ANKRD54: variants seen among roughly 807,000 people sequenced by gnomAD.
ANKRD54 encodes ankyrin repeat domain 54.
In ANKRD54, 26 loss-of-function variants were observed where a neutral mutation model predicts 36.2. The ratio of observed to expected loss-of-function variants is 0.72; its 90% CI spans 0.53 to 1.00. ANKRD54 has a LOEUF of 1.00. Ranked by LOEUF, ANKRD54 falls within the 50% of genes least tolerant of loss-of-function variation. The pLI is 0.00. For missense variants in ANKRD54, 384 were observed against 424.3 expected, an observed-to-expected ratio of 0.91 and a Z score of 0.83; for synonymous variants, 209 against 188.4, an observed-to-expected ratio of 1.11 and a Z score of -0.89.
At position 37,831,618 on chromosome 22, in the gene ANKRD54, T is replaced by G; in HGVS notation, c.*325A>C. On this transcript the variant is annotated 3_prime_UTR_variant, in exon 8 of 8. Transcript: ENST00000215941. ...AGGGTCTGAGGCCTGGAGCGCGCCATGAAGGCCATGGGGCAAGTGAGGTCT... is the reference window on the plus strand; with the variant it reads ...AGGGTCTGAGGCCTGGAGCGCGCCAGGAAGGCCATGGGGCAAGTGAGGTCT... 3 of 332,352 alleles carry G rather than the reference T, an allele frequency of 9.0e-6. No individual in the cohort carries two copies. Among genetic ancestry groups the G allele is most frequent in the Non-Finnish European group, 1.1e-5 (2 of 175,688 alleles). 20.6% of individuals were successfully genotyped at this position (332,352 alleles called of 1,614,324 possible).
At chr22:37,835,028 C>G (rs1923352988) in intron 3 of ANKRD54, among the ~76,000 whole-genome samples, 1 of 151,166 alleles carries the variant, frequency 6.6e-6, no homozygotes, top group Admixed American at 6.6e-5. Flanking sequence ...CACTGAACTC[C>G]AGCCTGGGTG....
At chr22:37,849,097 C>T, upstream of ANKRD54, 1 of 426,766 alleles carries the variant, frequency 2.3e-6, no homozygotes, top group South Asian at 5.0e-5. Context: ...AGCGACTCTC[C>T]TGCCTCAGCC....
chr22:37,839,324 C>A (rs1014336109), intron 2 of ANKRD54, among the ~76,000 whole-genome samples: 1 of 152,112 alleles, frequency 6.6e-6, no homozygotes, highest in African/African-American at 2.4e-5. Context: ...AGTTCCTTTG[C>A]GGACATGGAT....
chr22:37,831,568 C>A lies in ANKRD54; in HGVS notation c.*375G>T. The A allele has an allele frequency of 4.5e-6, 1 of 221,062 alleles. No individual in the cohort carries two copies. Among genetic ancestry groups the A allele is most frequent in the Non-Finnish European group, 9.2e-6 (1 of 109,074 alleles). The allele number at this position is 221,062 out of a possible 1,614,324, so 13.7% of individuals were successfully genotyped here. A position where few individuals can be genotyped will look rare whatever the true frequency, so the allele number is the denominator to read the frequency against. On this transcript the variant is annotated 3_prime_UTR_variant, in exon 8 of 8. Coordinates refer to ENST00000215941, the MANE Select transcript of ANKRD54 (RefSeq NM_138797.4). The stretch of plus-strand genomic sequence containing the variant: ...CCCACACCTGCTGACTGCAACAAGC[C>A]CATGGCCAGGACGGAACACAGAGAA...
rs756051275 is a variant in ANKRD54, at chr22:37,833,284, CTG to C, written c.548-80_548-79del. 2,681 of 1,561,316 alleles carry C rather than the reference CTG, an allele frequency of 1.7e-3. 3 individuals are homozygous for C. Among genetic ancestry groups the C allele is most frequent in the Non-Finnish European group, 2.1e-3 (2,432 of 1,144,104 alleles). Reference sequence around the variant, plus strand: ...TGCGTGGCCACTGGAGGGAGCAGGGCTGTGTCTCCCAGACGCCTGTGCCAAGT... The same window carrying C: ...TGCGTGGCCACTGGAGGGAGCAGGGCTGTCTCCCAGACGCCTGTGCCAAGT... On this transcript the variant is annotated intron_variant, in intron 4 of 7. Coordinates refer to ENST00000215941, the MANE Select transcript of ANKRD54 (RefSeq NM_138797.4).
upstream of ANKRD54, chr22:37,849,302 C>G (rs1198478977): frequency 3.1e-6 from 3 of 969,050 alleles, no homozygotes; most frequent in Non-Finnish European, 5.0e-6. Flanking sequence ...CCTCTTCCTT[C>G]TGGATATGGC....
rs1304697140 is a variant in ANKRD54 at position 37,841,873 on chromosome 22, AAATAAATAAATAAATAAAT to A, written c.329-1658_329-1640del. Reference sequence around the variant, plus strand: ...AAAATAAATAAATAAATAAATAAATAAATAAATAAATAAATAAATAAATAAAATAAAAACACAAAAATTA... The same window carrying A: ...AAAATAAATAAATAAATAAATAAATAAAATAAAATAAAAACACAAAAATTA... On this transcript the variant is annotated intron_variant, in intron 1 of 7. Transcript: ENST00000215941. Among the ~76,000 whole-genome samples the A allele has an allele frequency of 2.7e-4, 16 of 59,752 alleles. No individual in the cohort carries two copies. The East Asian group carries it at 7.7e-3, about 29-fold the overall frequency. 39.2% of individuals were successfully genotyped at this position (59,752 alleles called of 152,430 possible).
chr22:37,843,930 G>A lies in ANKRD54; in HGVS notation c.309C>T (p.Pro103=), dbSNP rs755406916. The part of the protein sequence containing the change: ...RAARPHRRLG[P]TGKEVHALKR... ...GCTCACCGTGCACCTCCTTGCCCGT[G>A]GGCCCGAGCCGCCGGTGGGGCCTGG... Residue 103 remains proline, a synonymous_variant, in exon 1 of 8, where the codon CCC becomes CCT. Transcript: ENST00000215941. 3.7e-6 allele frequency: 5 copies of A among 1,355,168 alleles called. No individual in the cohort carries two copies. The highest frequency in any genetic ancestry group is 1.5e-5 in the African/African-American group (1 of 65,254). 83.9% of individuals were successfully genotyped at this position (1,355,168 alleles called of 1,614,324 possible).
chr22:37,831,848 G>A lies in ANKRD54; in HGVS notation c.*95C>T, dbSNP rs1266555992. ...AGGGCAAGGTCCTCACCAGACAAGT[G>A]CAGCTCCAAGTCCCAGATGTTGGGC... On this transcript the variant is annotated 3_prime_UTR_variant, in exon 8 of 8. Coordinates refer to ENST00000215941, the MANE Select transcript of ANKRD54 (RefSeq NM_138797.4). 4.5e-6 allele frequency: 6 copies of A among 1,333,100 alleles called. No individual in the cohort carries two copies. Among genetic ancestry groups the A allele is most frequent in the South Asian group, 1.3e-5 (1 of 77,204 alleles). The allele number at this position is 1,333,100 out of a possible 1,614,324, so 82.6% of individuals were successfully genotyped here.
In ANKRD54 at chr22:37,831,655, G is replaced by C. The variant is rs1322915048; in HGVS notation, c.*288C>G. ...GGCAAGTGAGGTCTGCTGAGATAGC[G>C]CAGGTCTGCGGAGCTGAAGTGCAGC... is the stretch of plus-strand genomic sequence containing the variant. On this transcript the variant is annotated 3_prime_UTR_variant, in exon 8 of 8. Coordinates refer to ENST00000215941, the MANE Select transcript of ANKRD54 (RefSeq NM_138797.4). 2 of 469,116 alleles carry C rather than the reference G, an allele frequency of 4.3e-6. No individual in the cohort carries two copies. The highest frequency in any genetic ancestry group is 1.9e-5 in the African/African-American group (1 of 51,480). 29.1% of individuals were successfully genotyped at this position (469,116 alleles called of 1,614,324 possible).
At chr22:37,847,053 C>A (rs1243713993), upstream of ANKRD54, among the ~76,000 whole-genome samples, 1 of 151,260 alleles carries the variant, frequency 6.6e-6, no homozygotes, top group Non-Finnish European at 1.5e-5. Context: ...CGGGGTTTCA[C>A]CATTTTAGCC....
intron 3 of ANKRD54, among the ~76,000 whole-genome samples, chr22:37,836,390 T>C (rs1923536885): frequency 3.0e-5 from 4 of 132,622 alleles, no homozygotes. Context: ...AGGTTGTGGT[T>C]AGCCGAGATC....
upstream of ANKRD54, among the ~76,000 whole-genome samples, chr22:37,845,360 A>G (rs935650856): frequency 2.0e-5 from 3 of 152,178 alleles, no homozygotes; most frequent in Admixed American, 2.0e-4. Flanking sequence ...TTCCTCAAGC[A>G]ACATTTCATG....
At chr22:37,844,718 C>T (rs1273629556), upstream of ANKRD54, among the ~76,000 whole-genome samples, 2 of 152,048 alleles carry the variant, frequency 1.3e-5, no homozygotes, top group Non-Finnish European at 2.9e-5. Flanking sequence ...TACAGGCGCG[C>T]GCCACCACGC....
chr22:37,833,342 C>A, intron 4 of ANKRD54, 136 bp from the exon 5 acceptor site: 1 of 1,097,440 alleles, frequency 9.1e-7, no homozygotes, highest in Non-Finnish European at 1.3e-6. Context: ...CGCCAAGGCA[C>A]AGCTAGGTAG....
In ANKRD54 at chr22:37,832,717, C is replaced by G. The variant is rs576551780; in HGVS notation, c.748G>C (p.Glu250Gln). ...CGCTGCTCATGTTGCCCTAGGCGCT[C>G]CAGATACTCCCTCAGCATATGGATG... ...QIIHMLREYL[E>Q]RLGQHEQRER... is the part of the protein sequence containing the mutation. The change falls in exon 7 of 8, where the codon GAG becomes CAG. Residue 250 changes from glutamate to glutamine, a missense_variant. Physicochemically the swap from Glu to Gln is conservative, Grantham distance 29. Transcript: ENST00000215941. 12 of 1,614,126 alleles carry G rather than the reference C, an allele frequency of 7.4e-6. No individual in the cohort carries two copies. In the Middle Eastern group the frequency reaches 4.9e-4, roughly 67 times the overall value.
Position 37,843,900 on chromosome 22 carries a change from G to C in ANKRD54, c.328+11C>G, listed in dbSNP as rs535849601. The C allele has an allele frequency of 1.1e-5, 13 of 1,221,278 alleles. No homozygotes were observed. 75.7% of individuals were successfully genotyped at this position (1,221,278 alleles called of 1,614,324 possible). ...CCCGCCCCGGGCCCCCGCGCCGCTC[G>C]CGCCGCTCACCGTGCACCTCCTTGC... On this transcript the variant is annotated intron_variant, in intron 1 of 7. Transcript: ENST00000215941.
intron 2 of ANKRD54, 138 bp downstream of exon 2, chr22:37,840,049 C>T (rs2145978600): frequency 1.0e-6 from 1 of 991,640 alleles, no homozygotes; most frequent in Non-Finnish European, 1.6e-6. Context: ...GATGACTGCA[C>T]AGTCAGACAA....
rs1923177153 is a variant in ANKRD54, at chr22:37,833,666, G to A, written c.547+18C>T. 4 of 1,613,354 alleles carry A rather than the reference G, an allele frequency of 2.5e-6. No homozygotes were observed. Among genetic ancestry groups the A allele is most frequent in the Middle Eastern group, 1.7e-4 (1 of 6,058 alleles). Reference sequence around the variant, plus strand: ...TTTGCTGCAAATGAGTTGTCTTAGTGACTTCTGACATGCTTACCCAGGTGC... The same window carrying A: ...TTTGCTGCAAATGAGTTGTCTTAGTAACTTCTGACATGCTTACCCAGGTGC... On this transcript the variant is annotated intron_variant, in intron 4 of 7. Transcript: ENST00000215941.
Sources: allele counts gnomAD v4.1 joint callset (sites outside exome capture counted in the v4.1 genomes callset), GRCh38; gene constraint gnomAD v4.1.1; transcripts MANE v1.5; gene names NCBI Gene and HGNC (gene_info 2026-07-23, HGNC 2026-07-21).